The following DIP2C variants were observed in gnomAD, a reference collection of about 807,000 sequenced individuals.
DIP2C encodes the protein DIP2 acetate--CoA ligase C (putative).
DIP2C carries 33 observed loss-of-function variants against 192.4 expected under a neutral mutation model. The ratio of observed to expected loss-of-function variants is 0.17; its 90% CI spans 0.13 to 0.23. The LOEUF (loss-of-function observed/expected upper bound fraction) is 0.23. Ranked by LOEUF, DIP2C falls within the 10% of genes least tolerant of loss-of-function variation. The pLI, the probability that DIP2C is intolerant of heterozygous loss-of-function variation, is 1.00. For missense variants in DIP2C, 1,537 were observed against 2,110.1 expected, an observed-to-expected ratio of 0.73 and a Z score of 5.32; for synonymous variants, 979 against 864.1, an observed-to-expected ratio of 1.13 and a Z score of -2.33.
At position 660,240 on chromosome 10, in the gene DIP2C, G is replaced by A. The variant is rs572162288; in HGVS notation, c.85+29254C>T. Among the ~76,000 whole-genome samples the A allele has an allele frequency of 3.9e-5, 6 of 152,100 alleles. No homozygotes were observed. In the South Asian group the frequency reaches 1.2e-3, roughly 32 times the overall value. Reference sequence around the variant, plus strand: ...CCCTTGTCCCTGTTTCAAGTTCTGTGTATGAAACGGAGATTCTAGCCCTTG... The same window carrying A: ...CCCTTGTCCCTGTTTCAAGTTCTGTATATGAAACGGAGATTCTAGCCCTTG... On this transcript the variant is annotated intron_variant, in intron 1 of 36. Transcript: ENST00000280886.
At chr10:388,956 G>GA (rs1394573080) in intron 13 of DIP2C, among the ~76,000 whole-genome samples, 4 of 149,926 alleles carry the variant, frequency 2.7e-5, no homozygotes, top group African/African-American at 9.8e-5. Flanking sequence ...GACATGGGGG[G>GA]GTTCTCTGGA....
intron 1 of DIP2C, among the ~76,000 whole-genome samples, chr10:510,698 G>C (rs1161370095): frequency 1.3e-5 from 2 of 152,204 alleles, no homozygotes; most frequent in African/African-American, 4.8e-5. Context: ...ACACCCCTGA[G>C]AGAGCAGCTG....
At position 415,794 on chromosome 10, in the gene DIP2C, G is replaced by A. The variant is rs140437755; in HGVS notation, c.834C>T (p.Val278=). The part of the protein sequence containing the change: ...PKRPPLREFF[V]DDFEELLEVQ... Reference sequence around the variant, plus strand: ...CTTCTAATAATTCTTCAAAGTCATCGACAAAGAATTCTCGTAAAGGTGGTC... The same window carrying A: ...CTTCTAATAATTCTTCAAAGTCATCAACAAAGAATTCTCGTAAAGGTGGTC... Residue 278 remains valine (V), a synonymous_variant, in exon 7 of 37, where the codon GTC becomes GTT. Coordinates refer to ENST00000280886, the MANE Select transcript of DIP2C (RefSeq NM_014974.3). The A allele has an allele frequency of 2.4e-5, 39 of 1,613,860 alleles. No homozygotes were observed. Among genetic ancestry groups the A allele is most frequent in the Non-Finnish European group, 3.1e-5 (37 of 1,179,998 alleles).
chr10:350,632 ATTTTTTT>A lies in DIP2C; in HGVS notation c.2986-1185_2986-1179del, dbSNP rs56171130. Among the ~76,000 whole-genome samples the A allele has an allele frequency of 3.8e-4, 32 of 84,218 alleles. 1 individual carries two copies. The highest frequency in any genetic ancestry group is 9.8e-4 in the South Asian group (2 of 2,032). The allele number at this position is 84,218 out of a possible 152,430, so 55.3% of individuals were successfully genotyped here. On this transcript the variant is annotated intron_variant, in intron 24 of 36. Transcript: ENST00000280886. Reference sequence around the variant, plus strand: ...AGTGACTGAACACCCGGGCTCAGGAATTTTTTTTTTTTTTTTTTTTTTTTTGAGATGG... The same window carrying A: ...AGTGACTGAACACCCGGGCTCAGGAATTTTTTTTTTTTTTTTTTGAGATGG...
intron 1 of DIP2C, among the ~76,000 whole-genome samples, chr10:521,713 C>T (rs1846716248): frequency 6.6e-6 from 1 of 152,194 alleles, no homozygotes; most frequent in Admixed American, 6.5e-5. Context: ...GAATGTAGAA[C>T]ACAGGAGACA....
At chr10:471,008 A>G (rs1156619756) in intron 3 of DIP2C, among the ~76,000 whole-genome samples, 2 of 152,114 alleles carry the variant, frequency 1.3e-5, no homozygotes, top group Non-Finnish European at 2.9e-5. Flanking sequence ...AGGTGCCTCC[A>G]CACTCCTGAA....
chr10:308,049 T>C, intron 32 of DIP2C, among the ~76,000 whole-genome samples: 3 of 139,998 alleles, frequency 2.1e-5, no homozygotes, highest in African/African-American at 8.3e-5. Context: ...GGTTCAGGGG[T>C]GCCTGGGCGG....
At chr10:480,543 C>T (rs1356166543) in intron 2 of DIP2C, among the ~76,000 whole-genome samples, 1 of 152,352 alleles carries the variant, frequency 6.6e-6, no homozygotes, top group East Asian at 1.9e-4. Context: ...CCATCAGGAC[C>T]GGGCCTTCAC....
intron 2 of DIP2C, among the ~76,000 whole-genome samples, chr10:480,417 G>A (rs866523187): frequency 2.1e-5 from 3 of 143,444 alleles, no homozygotes; most frequent in Admixed American, 1.4e-4. Flanking sequence ...CCCAGTCCAC[G>A]CTCACTGGAT....
rs1326046119 is a variant in DIP2C, at chr10:363,754, G to C, written c.2478-443C>G. On this transcript the variant is annotated intron_variant, in intron 20 of 36. Coordinates refer to ENST00000280886, the MANE Select transcript of DIP2C (RefSeq NM_014974.3). This position sits in a 1 kb window ranked among gnomAD's most constrained non-coding sequence, Gnocchi z 5.4. ...GTATGTGCCTTATACTGTCAGCACA[G>C]CACAGTCACCTCCAGTAAAAGAGAT... Among the ~76,000 whole-genome samples the C allele has an allele frequency of 6.6e-6, 1 of 152,128 alleles. No individual in the cohort carries two copies. Among genetic ancestry groups the C allele is most frequent in the Non-Finnish European group, 1.5e-5 (1 of 68,008 alleles).
chr10:548,911 CAAAAAAAAA>C (rs61437915), intron 1 of DIP2C, among the ~76,000 whole-genome samples: 72 of 26,456 alleles, frequency 2.7e-3, no homozygotes, highest in Middle Eastern at 0.083. Flanking sequence ...TAGCAGCTCA[CAAAAAAAAA>C]AAAAAAAAAA....
chr10:664,925 A>G (rs1192982494), intron 1 of DIP2C: 1 of 152,214 alleles, frequency 6.6e-6, no homozygotes, highest in Non-Finnish European at 1.5e-5. Flanking sequence ...AAGCTCAAAA[A>G]GTACATTAAA....
At chr10:565,082 G>A (rs1849390264) in intron 1 of DIP2C, among the ~76,000 whole-genome samples, 1 of 152,066 alleles carries the variant, frequency 6.6e-6, no homozygotes, top group Non-Finnish European at 1.5e-5. Context: ...TGTAGGAGAG[G>A]GCGGTTCCAT....
chr10:672,130 TAGACACATGGACGGAGGAAACAGGCCAC>T (rs1489213339), intron 1 of DIP2C, among the ~76,000 whole-genome samples: 2 of 106,216 alleles, frequency 1.9e-5, no homozygotes, highest in Admixed American at 9.4e-5. Flanking sequence ...GGAAACGTCA[TAGACACATGGACGGAGGAAACAGGCCAC>T]AGACGCATGG....
chr10:344,744 A>AC, intron 28 of DIP2C, 65 bp downstream of exon 28: 1 of 1,384,400 alleles, frequency 7.2e-7, no homozygotes, highest in Non-Finnish European at 1.0e-6. Context: ...CCAGCACGTG[A>AC]CCTGCCACCT....
At chr10:633,372 G>C (rs549787147) in intron 1 of DIP2C, among the ~76,000 whole-genome samples, 2 of 152,298 alleles carry the variant, frequency 1.3e-5, no homozygotes, top group East Asian at 3.9e-4. Context: ...TAGAGCAGAC[G>C]GGGGGAGTCC....
At chr10:323,156 C>T (rs1184690363) in intron 31 of DIP2C, among the ~76,000 whole-genome samples, 2 of 25,392 alleles carry the variant, frequency 7.9e-5, no homozygotes, top group Non-Finnish European at 1.9e-4. Flanking sequence ...TGCGGGGCTC[C>T]AGTGAGAGAC....
chr10:326,125 T>G (rs540450667), intron 31 of DIP2C, among the ~76,000 whole-genome samples: 1 of 151,854 alleles, frequency 6.6e-6, no homozygotes, highest in Non-Finnish European at 1.5e-5. Flanking sequence ...GGGCAGGGGG[T>G]TGAGGCTGCA....
chr10:543,981 C>T (rs764363117), intron 1 of DIP2C, among the ~76,000 whole-genome samples: 4 of 152,094 alleles, frequency 2.6e-5, no homozygotes, highest in East Asian at 1.9e-4. Context: ...CCACTCTGGA[C>T]GCCTGTCGTG....
Sources: allele counts gnomAD v4.1 joint callset (sites outside exome capture counted in the v4.1 genomes callset), GRCh38; gene constraint gnomAD v4.1.1; non-coding constraint Gnocchi (gnomAD v3.1); transcripts MANE v1.5; gene names NCBI Gene and HGNC (gene_info 2026-07-23, HGNC 2026-07-21).